The following RNF125 variants were observed in gnomAD, a reference collection of about 807,000 sequenced individuals.
RNF125 encodes the protein ring finger protein 125, also known as E3 ubiquitin-protein ligase RNF125.
In RNF125, 21 loss-of-function variants were observed where a neutral mutation model predicts 26.0. The ratio of observed to expected loss-of-function variants is 0.81; its 90% CI spans 0.57 to 1.16. The LOEUF is 1.16. Ranked by LOEUF, RNF125 falls within the 50% of genes most tolerant of loss-of-function variation. The pLI, the probability that RNF125 is intolerant of heterozygous loss-of-function variation, is 0.00. For missense variants in RNF125, 270 were observed against 299.4 expected (o/e 0.90, Z 0.72); for synonymous variants, 95 against 109.2 (o/e 0.87, Z 0.81).
At chr18:32,065,489 A>G (rs1041221378) in intron 4 of RNF125, among the ~76,000 whole-genome samples, 2 of 150,984 alleles carry the variant, frequency 1.3e-5, no homozygotes, top group East Asian at 3.9e-4. Context: ...ACCCGCCTCA[A>G]CCTCCCAAAA....
chr18:32,025,664 CAAAA>C (rs34054474), intron 1 of RNF125, among the ~76,000 whole-genome samples: 9 of 65,204 alleles, frequency 1.4e-4, no homozygotes, highest in Admixed American at 5.4e-4. Flanking sequence ...AACTCTGTCT[CAAAA>C]AAAAAAAAAA....
chr18:32,019,874 T>C (rs1268299649), intron 1 of RNF125, among the ~76,000 whole-genome samples: 1 of 152,194 alleles, frequency 6.6e-6, no homozygotes, highest in African/African-American at 2.4e-5. Flanking sequence ...AAACTCACAG[T>C]TGGTGCAAAG....
At chr18:32,083,594 G>C in the RNF125 span, among the ~76,000 whole-genome samples, 1 of 152,218 alleles carries the variant, frequency 6.6e-6, no homozygotes, top group Non-Finnish European at 1.5e-5. Context: ...AGCCGGGGCA[G>C]AACAATGCCC....
In RNF125 at chr18:32,037,220, C is replaced by G; in HGVS notation, c.269C>G (p.Ala90Gly). The change falls in exon 2 of 6, where the codon GCC (alanine) becomes GGC (glycine). Residue 90 changes from alanine (A) to glycine (G), a missense_variant. Transcript: ENST00000217740. Reference sequence around the variant, plus strand: ...GAAGGAGTTCCAGCAACTGATGTAGCCAAAAGAATGAAATCAGAGTATAAG... The same window carrying G: ...GAAGGAGTTCCAGCAACTGATGTAGGCAAAAGAATGAAATCAGAGTATAAG... ...PSEGVPATDV[A>G]KRMKSEYKNC... The G allele has an allele frequency of 6.2e-7, 1 of 1,605,266 alleles. No individual in the cohort carries two copies. Among genetic ancestry groups the G allele is most frequent in the Non-Finnish European group, 8.5e-7 (1 of 1,176,750 alleles).
At chr18:32,023,750 T>C (rs1014062289) in intron 1 of RNF125, among the ~76,000 whole-genome samples, 4 of 152,166 alleles carry the variant, frequency 2.6e-5, no homozygotes, top group African/African-American at 9.7e-5. Flanking sequence ...AAAAGGTAAA[T>C]TATTTTGCTC....
chr18:32,024,855 C>T (rs1306252381), intron 1 of RNF125, among the ~76,000 whole-genome samples: 2 of 152,070 alleles, frequency 1.3e-5, no homozygotes, highest in African/African-American at 2.4e-5. Flanking sequence ...CCGAGGCAGG[C>T]GGATCACTTG....
At chr18:32,086,075 T>C in the RNF125 span, among the ~76,000 whole-genome samples, 2 of 152,162 alleles carry the variant, frequency 1.3e-5, no homozygotes. Context: ...CAAGAACCTA[T>C]ATATTCTTTC....
chr18:32,044,350 C>A (rs570879413), intron 3 of RNF125, among the ~76,000 whole-genome samples: 2 of 152,042 alleles, frequency 1.3e-5, no homozygotes, highest in African/African-American at 4.8e-5. Flanking sequence ...TTTCTAGTAG[C>A]GACATTTAAA....
intron 4 of RNF125, 76 bp downstream of exon 4, chr18:32,045,808 T>C: frequency 2.4e-6 from 2 of 850,692 alleles, no homozygotes; most frequent in Non-Finnish European, 3.9e-6. Context: ...AATAGATTTA[T>C]ATTTATAGAT....
rs1598831386 is a variant in RNF125, at chr18:32,073,172, A to G, written c.*4788A>G. 6.6e-6 allele frequency: 1 copy of G among 152,228 alleles called. No individual in the cohort carries two copies. Among genetic ancestry groups the G allele is most frequent in the Non-Finnish European group, 1.5e-5 (1 of 68,036 alleles). 9.4% of individuals were successfully genotyped at this position (152,228 alleles called of 1,614,324 possible). ...GCTATGATAAATAAAAAATGGCAGG[A>G]CCATTGTTTTTATTAAAATATCTAC... On this transcript the variant is annotated 3_prime_UTR_variant, in exon 6 of 6. Coordinates refer to ENST00000217740, the MANE Select transcript of RNF125 (RefSeq NM_017831.4).
At chr18:32,030,327 G>T (rs897764399) in intron 1 of RNF125, among the ~76,000 whole-genome samples, 1 of 152,224 alleles carries the variant, frequency 6.6e-6, no homozygotes, top group Non-Finnish European at 1.5e-5. Context: ...ACAGGCGTGA[G>T]CCACCCTACC....
intron 4 of RNF125, among the ~76,000 whole-genome samples, chr18:32,052,145 G>A (rs759365230): frequency 6.6e-6 from 1 of 152,010 alleles, no homozygotes; most frequent in Non-Finnish European, 1.5e-5. Flanking sequence ...GACTTGATGC[G>A]ACAGTGGAGA....
chr18:32,084,536 GT>G, the RNF125 span, among the ~76,000 whole-genome samples: 1 of 152,194 alleles, frequency 6.6e-6, no homozygotes, highest in African/African-American at 2.4e-5. Flanking sequence ...TTCATTGTTG[GT>G]TTGCTCTCTT....
At chr18:32,050,975 G>A (rs917412709) in intron 4 of RNF125, among the ~76,000 whole-genome samples, 9 of 131,800 alleles carry the variant, frequency 6.8e-5, no homozygotes, top group African/African-American at 2.3e-4. Flanking sequence ...TGCTCTCCTC[G>A]GCCCCGCAAA....
At chr18:32,062,110 T>C (rs1468214198) in intron 4 of RNF125, among the ~76,000 whole-genome samples, 1 of 152,248 alleles carries the variant, frequency 6.6e-6, no homozygotes, top group Non-Finnish European at 1.5e-5. Context: ...ATATTACAGC[T>C]ACTCTACAAG....
the RNF125 span, among the ~76,000 whole-genome samples, chr18:32,078,496 G>A: frequency 3.3e-5 from 5 of 151,970 alleles, no homozygotes; most frequent in Non-Finnish European, 5.9e-5. Context: ...TCATAGCTGG[G>A]CACGGTGGCA....
At chr18:32,074,952 GTTCT>G (rs2039560022), downstream of RNF125, among the ~76,000 whole-genome samples, 1 of 152,048 alleles carries the variant, frequency 6.6e-6, no homozygotes, top group African/African-American at 2.4e-5. Flanking sequence ...TTTTTGAATT[GTTCT>G]TTCTTATTTA....
At chr18:32,031,834 G>A (rs2039099863) in intron 1 of RNF125, among the ~76,000 whole-genome samples, 1 of 152,018 alleles carries the variant, frequency 6.6e-6, no homozygotes, top group Non-Finnish European at 1.5e-5. Flanking sequence ...TGTGGTAGTG[G>A]AATAAAAGGT....
At chr18:32,084,169 G>A in the RNF125 span, among the ~76,000 whole-genome samples, 15 of 152,076 alleles carry the variant, frequency 9.9e-5, no homozygotes, top group African/African-American at 3.6e-4. Flanking sequence ...CAGCCTAGCC[G>A]ACTTGCTGAA....
Sources: gnomAD v4.1 joint callset for allele counts (sites outside exome capture counted in the v4.1 genomes callset) on GRCh38, gnomAD v4.1.1 for gene constraint, MANE v1.5 for transcripts, NCBI Gene and HGNC (gene_info 2026-07-23, HGNC 2026-07-21) for gene names.